TPRG1: variants seen among roughly 807,000 people sequenced by gnomAD.
The protein encoded by TPRG1 is tumor protein p63-regulated gene 1 protein.
TPRG1 carries 29 observed loss-of-function variants against 29.3 expected under a neutral mutation model. The ratio of observed to expected loss-of-function variants is 0.99; its 90% CI spans 0.74 to 1.35. The LOEUF (loss-of-function observed/expected upper bound fraction) is 1.35. Ranked by LOEUF, TPRG1 falls within the 40% of genes most tolerant of loss-of-function variation. The pLI, the probability that TPRG1 is intolerant of heterozygous loss-of-function variation, is 0.00. For missense variants in TPRG1, 327 were observed against 335.0 expected, an observed-to-expected ratio of 0.98 and a Z score of 0.19; for synonymous variants, 130 against 116.8, an observed-to-expected ratio of 1.11 and a Z score of -0.73.
chr3:189,292,951 C>T (rs1008360057), intron 4 of TPRG1, among the ~76,000 whole-genome samples: 1 of 152,098 alleles, frequency 6.6e-6, no homozygotes, highest in African/African-American at 2.4e-5. Flanking sequence ...CTTTCTGAGA[C>T]AGGCCAAAAT....
chr3:189,021,298 C>T (rs890754943), intron 3 of TPRG1, among the ~76,000 whole-genome samples: 4 of 150,684 alleles, frequency 2.7e-5, no homozygotes, highest in Non-Finnish European at 5.9e-5. Flanking sequence ...TTATTTTGCT[C>T]GTTAGTTGAT....
chr3:189,177,837 C>T (rs991977618), intron 1 of TPRG1, among the ~76,000 whole-genome samples: 15 of 152,158 alleles, frequency 9.9e-5, no homozygotes, highest in African/African-American at 2.7e-4. Context: ...ATTATCAACA[C>T]GTTAAAACAG....
At position 189,087,375 on chromosome 3, in the gene TPRG1, T is replaced by C. The variant is rs931105048; in HGVS notation, c.-462-39682T>C. 4.6e-5 allele frequency among the ~76,000 whole-genome samples: 7 copies of C among 152,340 alleles called. No homozygotes were observed. The East Asian group carries it at 1.2e-3, about 25-fold the overall frequency. On this transcript the variant is annotated intron_variant, in intron 4 of 10. Coordinates refer to the TPRG1 transcript ENST00000433971. ...GGTCGTTAGTTTTTTCTTGTAAATT[T>C]GTTTGAGTTCTTTGTAGATTCTGGA...
At chr3:189,265,337 C>T (rs1324556193) in intron 4 of TPRG1, among the ~76,000 whole-genome samples, 1 of 152,160 alleles carries the variant, frequency 6.6e-6, no homozygotes, top group Non-Finnish European at 1.5e-5. Context: ...TCAACCTGGA[C>T]CTTCTCTGTA....
chr3:189,166,546 A>G (rs573331714), intron 5 of TPRG1, among the ~76,000 whole-genome samples: 1 of 152,248 alleles, frequency 6.6e-6, no homozygotes, highest in East Asian at 1.9e-4. Flanking sequence ...GAGTTAGTCA[A>G]CTAGGGAAGT....
intron 4 of TPRG1, among the ~76,000 whole-genome samples, chr3:189,052,890 G>A (rs942353754): frequency 2.0e-5 from 3 of 152,118 alleles, no homozygotes; most frequent in South Asian, 2.1e-4. Context: ...CTATGAGGAC[G>A]CAAAGCCATA....
At chr3:189,217,212 C>G (rs1578870064) in intron 3 of TPRG1, among the ~76,000 whole-genome samples, 1 of 152,188 alleles carries the variant, frequency 6.6e-6, no homozygotes, top group Non-Finnish European at 1.5e-5. Flanking sequence ...GATTTAACAT[C>G]AACTACAATG....
At chr3:189,246,219 A>G (rs1229951260) in intron 4 of TPRG1, among the ~76,000 whole-genome samples, 1 of 152,098 alleles carries the variant, frequency 6.6e-6, no homozygotes, top group African/African-American at 2.4e-5. Flanking sequence ...GCTTGCCACC[A>G]TGTAAGACGT....
intron 4 of TPRG1, among the ~76,000 whole-genome samples, chr3:189,244,942 G>A (rs1401126186): frequency 2.6e-5 from 4 of 151,516 alleles, no homozygotes; most frequent in African/African-American, 4.9e-5. Context: ...TTGTTGTTGA[G>A]GCAGTTTCAC....
chr3:189,102,862 T>G (rs1463805843), intron 1 of TPRG1, among the ~76,000 whole-genome samples: 1 of 152,206 alleles, frequency 6.6e-6, no homozygotes, highest in Non-Finnish European at 1.5e-5. Context: ...GAACTTCTGG[T>G]AGGTCCTCAA....
intron 1 of TPRG1, among the ~76,000 whole-genome samples, chr3:189,125,815 G>T (rs982957631): frequency 2.4e-3 from 37 of 15,356 alleles, no homozygotes; most frequent in African/African-American, 0.021. Flanking sequence ...AGGGTGTTTT[G>T]TGTGTGTGTG....
chr3:189,245,848 G>A (rs1332084404), intron 4 of TPRG1, among the ~76,000 whole-genome samples: 1 of 151,840 alleles, frequency 6.6e-6, no homozygotes, highest in African/African-American at 2.4e-5. Flanking sequence ...TCTATTATTA[G>A]GTGCATGCAC....
chr3:189,219,266 G>T (rs1343804106), intron 3 of TPRG1, among the ~76,000 whole-genome samples: 3 of 152,130 alleles, frequency 2.0e-5, no homozygotes, highest in African/African-American at 7.2e-5. Flanking sequence ...AGAAAAATAA[G>T]TTTGCAGGCA....
rs181800913 is a variant in TPRG1, at chr3:189,044,728, A to C, written c.-463+20782A>C. ...CCTAAGTTGCATGAGGCAGGGAAGA[A>C]GTTTGAAAAAGGTAGTTGGTGGTCT... On this transcript the variant is annotated intron_variant, in intron 4 of 10. Transcript: ENST00000433971. Among the ~76,000 whole-genome samples the C allele has an allele frequency of 1.4e-3, 209 of 152,304 alleles. 1 individual carries two copies. The highest frequency in any genetic ancestry group is 4.9e-3 in the African/African-American group (205 of 41,556).
At chr3:189,254,198 T>G (rs900543219) in intron 4 of TPRG1, among the ~76,000 whole-genome samples, 7 of 152,330 alleles carry the variant, frequency 4.6e-5, no homozygotes, top group African/African-American at 1.7e-4. Context: ...AATTTTTGTA[T>G]GAAGTGTAAG....
At chr3:189,226,207 T>A (rs931449689) in intron 3 of TPRG1, among the ~76,000 whole-genome samples, 2 of 152,242 alleles carry the variant, frequency 1.3e-5, no homozygotes, top group African/African-American at 4.8e-5. Context: ...CACATTCTTT[T>A]TAAGCATCTA....
chr3:189,208,466 CA>C (rs1258863355), intron 2 of TPRG1, among the ~76,000 whole-genome samples: 1 of 152,050 alleles, frequency 6.6e-6, no homozygotes, highest in African/African-American at 2.4e-5. Context: ...AAATTGGGGC[CA>C]GGGTTTTGTG....
At chr3:189,317,199 TGATAATCCAGACTTTG>T (rs1248197758) in intron 5 of TPRG1, among the ~76,000 whole-genome samples, 1 of 152,212 alleles carries the variant, frequency 6.6e-6, no homozygotes, top group Non-Finnish European at 1.5e-5. Flanking sequence ...AAAGGCATCC[TGATAATCCAGACTTTG>T]GATAATCCAG....
chr3:189,118,418 G>T (rs1721429504), intron 1 of TPRG1, among the ~76,000 whole-genome samples: 1 of 152,204 alleles, frequency 6.6e-6, no homozygotes, highest in South Asian at 2.1e-4. Context: ...TTTCTGGGGA[G>T]AATTGCAAGC....
Sources: allele counts gnomAD v4.1 joint callset (sites outside exome capture counted in the v4.1 genomes callset), GRCh38; gene constraint gnomAD v4.1.1; transcripts MANE v1.5; gene names NCBI Gene and HGNC (gene_info 2026-07-23, HGNC 2026-07-21).